LHFPL4: variants seen among roughly 807,000 people sequenced by gnomAD.
LHFPL4 encodes LHFPL tetraspan subfamily member 4 protein.
LHFPL4 carries 6 observed loss-of-function variants against 20.0 expected under a neutral mutation model. The ratio of observed to expected loss-of-function variants is 0.30; its 90% confidence interval spans 0.16 to 0.59. The LOEUF (loss-of-function observed/expected upper bound fraction) is 0.59, where lower values mean the gene tolerates loss of function less well. Among genes scored for constraint, LHFPL4 ranks in the 20% least tolerant of loss-of-function variants. LHFPL4 has a pLI of 0.88. For synonymous variants in LHFPL4, 129 were observed against 143.8 expected (o/e 0.90, Z 0.74); for missense variants, 215 against 331.2 (o/e 0.65, Z 2.72).
intron 2 of LHFPL4, among the ~76,000 whole-genome samples, chr3:9,540,830 A>G (rs1433967725): frequency 2.6e-5 from 4 of 151,846 alleles, no homozygotes; most frequent in Non-Finnish European, 5.9e-5. Context: ...GAGTAAGGCT[A>G]CAGTGAGCCG....
chr3:9,507,709 C>T (rs1162540015), intron 2 of LHFPL4, among the ~76,000 whole-genome samples: 1 of 152,228 alleles, frequency 6.6e-6, no homozygotes, highest in African/African-American at 2.4e-5. Flanking sequence ...CCAATCCCCG[C>T]CCAGGTGGGC....
chr3:9,537,630 G>C (rs983021219), intron 2 of LHFPL4, among the ~76,000 whole-genome samples: 40 of 152,168 alleles, frequency 2.6e-4, no homozygotes, highest in African/African-American at 9.2e-4. Flanking sequence ...TCCCTTCCAA[G>C]TCCACCTTCT....
At chr3:9,553,168 G>A (rs185627538) in intron 1 of LHFPL4, among the ~76,000 whole-genome samples, 1 of 151,876 alleles carries the variant, frequency 6.6e-6, no homozygotes, top group East Asian at 2.0e-4. Context: ...GTATTAAGGG[G>A]TAGAAGGAGG....
chr3:9,540,476 G>A lies in LHFPL4; in HGVS notation c.406+11798C>T, dbSNP rs371822805. On this transcript the variant is annotated intron_variant, in intron 2 of 3. Coordinates refer to ENST00000287585, the MANE Select transcript of LHFPL4 (RefSeq NM_198560.3). ...GTAATAGAGTGTGGCAGAAGTGATG[G>A]TGTGTGATGTCTGCTATCAGGACAT... is the stretch of plus-strand genomic sequence containing the variant. Among the ~76,000 whole-genome samples the A allele has an allele frequency of 7.9e-5, 12 of 152,308 alleles. 1 individual carries two copies. The East Asian group carries it at 1.9e-3, about 24-fold the overall frequency.
chr3:9,504,682 G>A (rs888285433), intron 3 of LHFPL4, among the ~76,000 whole-genome samples: 4 of 151,914 alleles, frequency 2.6e-5, no homozygotes, highest in East Asian at 1.9e-4. Context: ...AAACTTAGCC[G>A]GGCGTGGTGG....
chr3:9,537,436 G>C (rs537754429), intron 2 of LHFPL4, among the ~76,000 whole-genome samples: 1 of 152,264 alleles, frequency 6.6e-6, no homozygotes, highest in Admixed American at 6.5e-5. Flanking sequence ...CCATCACTTT[G>C]TGCAGTAATT....
At chr3:9,536,076 C>T (rs1042569611) in intron 2 of LHFPL4, among the ~76,000 whole-genome samples, 4 of 152,218 alleles carry the variant, frequency 2.6e-5, no homozygotes, top group Admixed American at 6.5e-5. Flanking sequence ...GGATTACAAG[C>T]GTGAGCCACC....
chr3:9,552,545 G>T lies in LHFPL4; in HGVS notation c.135C>A (p.Tyr45Ter). Residue 45 changes from tyrosine (Y) to a stop codon, truncating the protein, a stop_gained, in exon 2 of 4, where the codon TAC becomes TAA. Transcript: ENST00000287585. LOFTEE classifies it high-confidence loss of function. ...IINVVVFIQP[Y>*]WVGDSVSTPK... ...GGGTGCTCACGCTGTCGCCCACCCA[G>T]TAGGGCTGGATGAAGACCACCACGT... 6.2e-7 allele frequency: 1 copy of T among 1,613,994 alleles called. No individual in the cohort carries two copies.
At chr3:9,545,289 A>G (rs531879853) in intron 2 of LHFPL4, among the ~76,000 whole-genome samples, 84 of 152,142 alleles carry the variant, frequency 5.5e-4, no homozygotes, top group Non-Finnish European at 9.4e-4. Context: ...GGAGGAGGGA[A>G]AGCGGAAAGA....
Position 9,499,174 on chromosome 3 carries a change from TCTC to T in LHFPL4, c.*3034_*3036del, listed in dbSNP as rs1321687798. On this transcript the variant is annotated 3_prime_UTR_variant, in exon 4 of 4. Coordinates refer to ENST00000287585, the MANE Select transcript of LHFPL4 (RefSeq NM_198560.3). ...TCCTGGGGTCAGAAACAGGCACTGA[TCTC>T]CTCTGCTTACCTCCTCCTGAAGGCT... is the stretch of plus-strand genomic sequence containing the variant. 3 of 152,278 alleles carry T rather than the reference TCTC, an allele frequency of 2.0e-5. No homozygotes were observed. The highest frequency in any genetic ancestry group is 2.9e-5 in the Non-Finnish European group (2 of 68,198). The allele number at this position is 152,278 out of a possible 1,614,324, so 9.4% of individuals were successfully genotyped here.
chr3:9,520,693 G>A (rs1264881616), intron 2 of LHFPL4, among the ~76,000 whole-genome samples: 1 of 152,064 alleles, frequency 6.6e-6, no homozygotes, highest in Non-Finnish European at 1.5e-5. Flanking sequence ...GAAGTGTGTT[G>A]TTTAATCTCC....
chr3:9,552,395 G>A lies in LHFPL4; in HGVS notation c.285C>T (p.Ala95=), dbSNP rs2046561062. Residue 95 remains alanine (A), a synonymous_variant, in exon 2 of 4, where the codon GCC becomes GCT. Coordinates refer to ENST00000287585, the MANE Select transcript of LHFPL4 (RefSeq NM_198560.3). ...STIPSSAFKA[A]AFFVLLSMVL... Reference sequence around the variant, plus strand: ...CCATGGAGAGCAGCACGAAGAAGGCGGCCGCCTTGAAGGCGCTGGACGGGA... The same window carrying A: ...CCATGGAGAGCAGCACGAAGAAGGCAGCCGCCTTGAAGGCGCTGGACGGGA... 1 of 1,613,944 alleles carries A rather than the reference G, an allele frequency of 6.2e-7. No homozygotes were observed. Among genetic ancestry groups the A allele is most frequent in the East Asian group, 2.2e-5 (1 of 44,872 alleles).
Position 9,502,331 on chromosome 3 carries a change from AGAG to A in LHFPL4, c.644-23_644-21del. 1 of 1,517,316 alleles carries A rather than the reference AGAG, an allele frequency of 6.6e-7. No homozygotes were observed. Among genetic ancestry groups the A allele is most frequent in the Non-Finnish European group, 9.2e-7 (1 of 1,092,750 alleles). 94.0% of individuals were successfully genotyped at this position (1,517,316 alleles called of 1,614,324 possible). On this transcript the variant is annotated intron_variant, in intron 3 of 3. Transcript: ENST00000287585. ...CAAAATCTAAGAGAGAGAGAGAGAG[AGAG>A]AAGGAGAGAGAATTAGAGAAAGTCA...
intron 2 of LHFPL4, among the ~76,000 whole-genome samples, chr3:9,531,466 CT>C (rs1574849155): frequency 6.6e-6 from 1 of 152,092 alleles, no homozygotes; most frequent in Non-Finnish European, 1.5e-5. Context: ...GAGAAGTAGC[CT>C]GGGGGAGAGA....
At chr3:9,524,305 A>G (rs553640377) in intron 2 of LHFPL4, among the ~76,000 whole-genome samples, 2 of 150,582 alleles carry the variant, frequency 1.3e-5, no homozygotes, top group African/African-American at 4.9e-5. Context: ...ATTTGGGGAC[A>G]TTTTCAGTCA....
intron 3 of LHFPL4, among the ~76,000 whole-genome samples, chr3:9,505,357 C>A (rs1396850526): frequency 6.6e-6 from 1 of 152,048 alleles, no homozygotes; most frequent in African/African-American, 2.4e-5. Context: ...CAGCCTCAAC[C>A]TTCTCAGGCT....
At chr3:9,546,817 C>T (rs1012928503) in intron 2 of LHFPL4, among the ~76,000 whole-genome samples, 3 of 152,186 alleles carry the variant, frequency 2.0e-5, no homozygotes, top group Non-Finnish European at 4.4e-5. Flanking sequence ...GAATGCTTCT[C>T]ATACACCAGG....
At chr3:9,548,225 C>T (rs2046529201) in intron 2 of LHFPL4, among the ~76,000 whole-genome samples, 1 of 152,174 alleles carries the variant, frequency 6.6e-6, no homozygotes, top group Admixed American at 6.5e-5. Context: ...CTCACCTATA[C>T]AATATGAATA....
chr3:9,522,651 G>A (rs1217761368), intron 2 of LHFPL4, among the ~76,000 whole-genome samples: 1 of 151,794 alleles, frequency 6.6e-6, no homozygotes, highest in Non-Finnish European at 1.5e-5. Flanking sequence ...TGAGAGGCAG[G>A]AGAACCGCTT....
Sources: gnomAD v4.1 joint callset for allele counts (sites outside exome capture counted in the v4.1 genomes callset) on GRCh38, gnomAD v4.1.1 for gene constraint, MANE v1.5 for transcripts, NCBI Gene and HGNC (gene_info 2026-07-23, HGNC 2026-07-21) for gene names.